Variants in TMEM132A observed in about 807,000 individuals in gnomAD.
TMEM132A encodes transmembrane protein 132A.
In TMEM132A, 48 loss-of-function variants were observed where a neutral mutation model predicts 69.9. The ratio of observed to expected loss-of-function variants is 0.69; its 90% CI spans 0.55 to 0.87. The LOEUF is 0.87. Among genes scored for constraint, TMEM132A ranks in the 40% least tolerant of loss-of-function variants. The probability of loss-of-function intolerance (pLI) is 0.00; values close to 1 mark genes in which losing one functional copy is unlikely to be tolerated. For missense variants in TMEM132A, 1,287 were observed against 1,407.2 expected, an observed-to-expected ratio of 0.91 and a Z score of 1.37; for synonymous variants, 577 against 613.7, an observed-to-expected ratio of 0.94 and a Z score of 0.88.
chr11:60,932,388 G>A (rs1044391820), intron 7 of TMEM132A: 29 of 366,292 alleles, frequency 7.9e-5, no homozygotes, highest in African/African-American at 3.9e-4. Flanking sequence ...TGAGAGAGTC[G>A]AGAGCACATA....
At chr11:60,927,024 C>T (rs1366500868) in intron 1 of TMEM132A, 180 bp from the exon 2 acceptor site, 1 of 659,138 alleles carries the variant, frequency 1.5e-6, no homozygotes, top group Non-Finnish European at 2.8e-6. Flanking sequence ...TACATACTAC[C>T]TGTGTGAGGC....
chr11:60,934,858 C>G (rs115958512), intron 9 of TMEM132A, 94 bp downstream of exon 9: 28 of 1,342,382 alleles, frequency 2.1e-5, no homozygotes, highest in Non-Finnish European at 2.8e-5. Flanking sequence ...GTGCCAGGAG[C>G]CCAGAGTGTG....
chr11:60,935,804 T>A lies in TMEM132A; in HGVS notation c.2029-60T>A. 12 of 1,574,342 alleles carry A rather than the reference T, an allele frequency of 7.6e-6. No individual in the cohort carries two copies. Among genetic ancestry groups the A allele is most frequent in the Non-Finnish European group, 1.0e-5 (12 of 1,161,228 alleles). On this transcript the variant is annotated intron_variant, in intron 10 of 10. Transcript: ENST00000453848. This position sits in a 1 kb window ranked among gnomAD's most constrained non-coding sequence, Gnocchi z 5.0. ...ATGTGGCCTATCTCTGTGGGAGTGG[T>A]TTCTCTGTGCATGCGTGCGTGCCCT...
Position 60,936,064 on chromosome 11 carries a change from C to A in TMEM132A, c.2229C>A (p.His743Gln). ...AEGLPLHVALHPPEPCRRGRH... is the reference protein window; with the variant it reads ...AEGLPLHVALQPPEPCRRGRH... ...GGCTGCCGCTGCATGTGGCTCTGCA[C>A]CCGCCCGAGCCCTGCCGCCGGGGCC... The change falls in exon 11 of 11, where the codon CAC becomes CAA. Residue 743 changes from histidine (H) to glutamine (Q), a missense_variant. Physicochemically the swap from His to Gln is conservative, Grantham distance 24. Transcript: ENST00000453848. 6.2e-7 allele frequency: 1 copy of A among 1,605,784 alleles called. No individual in the cohort carries two copies. The highest frequency in any genetic ancestry group is 8.5e-7 in the Non-Finnish European group (1 of 1,177,434).
intron 4 of TMEM132A, 105 bp downstream of exon 4, chr11:60,929,065 G>T (rs1856419421): frequency 4.2e-6 from 5 of 1,185,814 alleles, no homozygotes; most frequent in Non-Finnish European, 1.2e-6. Flanking sequence ...CTTGACCTCT[G>T]CAAAACATGT....
At position 60,936,359 on chromosome 11, in the gene TMEM132A, C is replaced by G; in HGVS notation, c.2524C>G (p.His842Asp). The change falls in exon 11 of 11, where the codon CAT becomes GAT. Residue 842 changes from histidine to aspartate, a missense_variant. Coordinates refer to ENST00000453848, the MANE Select transcript of TMEM132A (RefSeq NM_178031.3). ...EEEEMVPAPQ[H>D]VTELELGMYA... is the part of the protein sequence containing the mutation. ...GGAGGAGATGGTCCCTGCCCCTCAG[C>G]ATGTCACTGAGCTAGAGCTGGGCAT... The G allele has an allele frequency of 6.2e-7, 1 of 1,614,182 alleles. No homozygotes were observed. The highest frequency in any genetic ancestry group is 8.5e-7 in the Non-Finnish European group (1 of 1,180,012).
chr11:60,927,960 G>C, intron 3 of TMEM132A, 101 bp downstream of exon 3: 2 of 1,041,458 alleles, frequency 1.9e-6, no homozygotes, highest in Non-Finnish European at 2.7e-6. Flanking sequence ...GGAAGCGCGG[G>C]GGTTGTGGAC....
At chr11:60,934,072 G>A in intron 8 of TMEM132A, 1 of 426,412 alleles carries the variant, frequency 2.3e-6, no homozygotes, top group South Asian at 4.5e-5. Context: ...GCTGCGGTCT[G>A]TCTATGCTGG....
chr11:60,930,660 G>C lies in TMEM132A; in HGVS notation c.1016+1G>C, dbSNP rs1164827851. 1.9e-6 allele frequency: 3 copies of C among 1,606,748 alleles called. No homozygotes were observed. In the Admixed American group the frequency reaches 5.1e-5, roughly 27 times the overall value. On this transcript the variant is annotated splice_donor_variant, in intron 5 of 10. Transcript: ENST00000453848. LOFTEE classifies it high-confidence loss of function. ...CTGGGCTCACAGAGCCAGATTCCAG[G>C]TGGGCAGTTTCCCTCCACCCAGGGG...
intron 3 of TMEM132A, 69 bp downstream of exon 3, chr11:60,927,928 A>G: frequency 3.6e-6 from 5 of 1,400,570 alleles, no homozygotes; most frequent in Non-Finnish European, 3.9e-6. Flanking sequence ...GGCCCGCGGC[A>G]GAGAGGAAAC....
intron 5 of TMEM132A, among the ~76,000 whole-genome samples, chr11:60,930,999 A>G (rs915803848): frequency 6.6e-5 from 10 of 151,970 alleles, no homozygotes; most frequent in Admixed American, 5.9e-4. Context: ...GGCCGTTCAC[A>G]TTCCCCCAAA....
intron 8 of TMEM132A, chr11:60,933,952 T>TTTAATGATACG: frequency 3.4e-6 from 2 of 584,088 alleles, no homozygotes; most frequent in Non-Finnish European, 6.1e-6. Context: ...CCTCCTTCCC[T>TTTAATGATACG]GCCTCACTTC....
rs1300777048 is a variant in TMEM132A at position 60,933,594 on chromosome 11, C to T, written c.1409C>T (p.Ala470Val). The change falls in exon 8 of 11, where the codon GCC (alanine) becomes GTC (valine). Residue 470 changes from alanine (A) to valine (V), a missense_variant. Ala to Val is a moderately conservative substitution (Grantham distance 64). Coordinates refer to ENST00000453848, the MANE Select transcript of TMEM132A (RefSeq NM_178031.3). ...GTGGCTGGCAAGGAGAGCCGGGGCG[C>T]CCGGGGGGTGCGAGTGGACTTCTGG... is the stretch of plus-strand genomic sequence containing the variant. ...VFVAGKESRGARGVRVDFWWR... is the reference protein window; with the variant it reads ...VFVAGKESRGVRGVRVDFWWR... 1.2e-6 allele frequency: 2 copies of T among 1,607,500 alleles called. No homozygotes were observed. The highest frequency in any genetic ancestry group is 1.7e-5 in the Admixed American group (1 of 59,946).
In TMEM132A at chr11:60,933,671, C is replaced by T; in HGVS notation, c.1486C>T (p.Pro496Ser). ...LRLTVWAPLL[P>S]LRIELTDTTL... ...GCTGACCGTGTGGGCCCCCCTGCTA[C>T]CGCTGCGTATCGAGCTCACCGACAC... Residue 496 changes from proline (P) to serine (S), a missense_variant, in exon 8 of 11, where the codon CCG (proline) becomes TCG (serine). By Grantham distance (74) the Pro-to-Ser change is moderately conservative (BLOSUM62 -1). Transcript: ENST00000453848. 1.2e-6 allele frequency: 2 copies of T among 1,605,344 alleles called. No homozygotes were observed. The highest frequency in any genetic ancestry group is 1.3e-5 in the African/African-American group (1 of 74,976).
chr11:60,935,626 A>G lies in TMEM132A; in HGVS notation c.2028+183A>G. The stretch of plus-strand genomic sequence containing the variant: ...GATCAAGCAGTGGCTGGAGTATGGC[A>G]GTGGGAGGTTGGTTAGATGGCTCTA... On this transcript the variant is annotated intron_variant, in intron 10 of 10. Coordinates refer to ENST00000453848, the MANE Select transcript of TMEM132A (RefSeq NM_178031.3). This position sits in a 1 kb window ranked among gnomAD's most constrained non-coding sequence, Gnocchi z 5.0. 1.3e-6 allele frequency: 1 copy of G among 792,416 alleles called. No individual in the cohort carries two copies. The highest frequency in any genetic ancestry group is 2.0e-6 in the Non-Finnish European group (1 of 509,352). 49.1% of individuals were successfully genotyped at this position (792,416 alleles called of 1,614,324 possible). A position where few individuals can be genotyped will look rare whatever the true frequency, so the allele number is the denominator to read the frequency against.
chr11:60,928,647 G>T lies in TMEM132A; in HGVS notation c.553G>T (p.Val185Leu). 6.2e-7 allele frequency: 1 copy of T among 1,609,432 alleles called. No individual in the cohort carries two copies. The highest frequency in any genetic ancestry group is 1.1e-5 in the South Asian group (1 of 90,960). The change falls in exon 4 of 11, where the codon GTG (valine) becomes TTG (leucine). Residue 185 changes from valine (V) to leucine (L), a missense_variant. Physicochemically the swap from Val to Leu is conservative, Grantham distance 32 (BLOSUM62 1). Coordinates refer to ENST00000453848, the MANE Select transcript of TMEM132A (RefSeq NM_178031.3). ...CRFQPSLGAC[V>L]VELELPSHWF... Reference sequence around the variant, plus strand: ...TTCACAGCCATCCCTGGGCGCCTGCGTGGTGGAGCTGGAGCTTCCCTCGCA... The same window carrying T: ...TTCACAGCCATCCCTGGGCGCCTGCTTGGTGGAGCTGGAGCTTCCCTCGCA...
Position 60,930,593 on chromosome 11 carries a change from A to T in TMEM132A, c.950A>T (p.Lys317Met). 6.2e-7 allele frequency: 1 copy of T among 1,613,670 alleles called. No individual in the cohort carries two copies. Among genetic ancestry groups the T allele is most frequent in the South Asian group, 1.1e-5 (1 of 91,038 alleles). The change falls in exon 5 of 11, where the codon AAG becomes ATG. Residue 317 changes from lysine to methionine, a missense_variant. By Grantham distance (95) the Lys-to-Met change is moderately conservative (BLOSUM62 -1). Coordinates refer to ENST00000453848, the MANE Select transcript of TMEM132A (RefSeq NM_178031.3). ...TLWTAKLDRF[K>M]GSRHHTTLIT... ...TGGACTGCCAAGCTGGACCGCTTCA[A>T]GGGCTCCAGGCACCACACCACCCTC...
intron 5 of TMEM132A, among the ~76,000 whole-genome samples, chr11:60,931,155 C>A (rs923784658): frequency 1.2e-4 from 18 of 152,356 alleles, no homozygotes; most frequent in Middle Eastern, 3.4e-3. Flanking sequence ...AGTTAACATT[C>A]CCCTACCCAA....
rs150840044 is a variant in TMEM132A, at chr11:60,936,262, C to A, written c.2427C>A (p.Gly809=). The A allele has an allele frequency of 1.4e-4, 228 of 1,614,034 alleles. No homozygotes were observed. The highest frequency in any genetic ancestry group is 1.8e-4 in the Non-Finnish European group (207 of 1,179,992). ...GSVGGNTGVR[G]KFERAEEEAR... The stretch of plus-strand genomic sequence containing the variant: ...TCGGGGGCAACACAGGTGTGAGGGG[C>A]AAGTTTGAGCGGGCAGAGGAGGAGG... The change falls in exon 11 of 11, where the codon GGC becomes GGA. Residue 809 remains glycine, a synonymous_variant. Transcript: ENST00000453848.
Sources: allele counts gnomAD v4.1 joint callset (sites outside exome capture counted in the v4.1 genomes callset), GRCh38; gene constraint gnomAD v4.1.1; non-coding constraint Gnocchi (gnomAD v3.1); transcripts MANE v1.5; gene names NCBI Gene and HGNC (gene_info 2026-07-23, HGNC 2026-07-21).